FGGY: variants seen among roughly 807,000 people sequenced by gnomAD.
FGGY encodes FGGY carbohydrate kinase domain containing.
FGGY carries 72 observed loss-of-function variants against 71.3 expected under a neutral mutation model. The ratio of observed to expected loss-of-function variants is 1.01; its 90% CI spans 0.84 to 1.23. The LOEUF is 1.23. FGGY is among the 50% of genes most tolerant of loss of function. The pLI, the probability that FGGY is intolerant of heterozygous loss-of-function variation, is 0.00. For missense variants in FGGY, 668 were observed against 682.3 expected (o/e 0.98, Z 0.23); for synonymous variants, 251 against 250.3 (o/e 1.00, Z -0.02).
chr1:59,307,969 C>T (rs921655378), intron 1 of FGGY, among the ~76,000 whole-genome samples: 1 of 152,080 alleles, frequency 6.6e-6, no homozygotes, highest in African/African-American at 2.4e-5. Context: ...TGATGTGTCC[C>T]AGCATGTGTT....
chr1:59,741,131 C>G (rs1349807486), intron 14 of FGGY, among the ~76,000 whole-genome samples: 1 of 152,154 alleles, frequency 6.6e-6, no homozygotes, highest in East Asian at 1.9e-4. Context: ...AACCTTTCAT[C>G]TTAAAAATAA....
intron 5 of FGGY, among the ~76,000 whole-genome samples, chr1:59,454,851 A>T (rs1291039248): frequency 4.6e-5 from 7 of 152,248 alleles, no homozygotes; most frequent in Non-Finnish European, 4.4e-5. Context: ...ATCCTAGTAT[A>T]GTGCCAGGAT....
chr1:59,429,784 G>T lies in FGGY; in HGVS notation c.555-27177G>T, dbSNP rs548600777. 2.0e-5 allele frequency among the ~76,000 whole-genome samples: 3 copies of T among 152,326 alleles called. No individual in the cohort carries two copies. The South Asian group carries it at 6.2e-4, about 32-fold the overall frequency. On this transcript the variant is annotated intron_variant, in intron 5 of 15. Coordinates refer to ENST00000303721, the MANE Select transcript of FGGY (RefSeq NM_018291.5). ...AATAGGCCAGTATTGGCTAGGCTGG[G>T]CCTCAGGACTGTCTGGTTTAAATCT...
At chr1:59,594,961 C>T (rs750432309) in intron 8 of FGGY, among the ~76,000 whole-genome samples, 2 of 152,218 alleles carry the variant, frequency 1.3e-5, no homozygotes, top group African/African-American at 2.4e-5. Context: ...TTGGGCCCCT[C>T]TCTGTAAACA....
chr1:59,502,540 G>T (rs904589051), intron 6 of FGGY, among the ~76,000 whole-genome samples: 5 of 152,132 alleles, frequency 3.3e-5, no homozygotes, highest in Non-Finnish European at 5.9e-5. Context: ...AGAATTGGCC[G>T]CCCACACTCC....
intron 4 of FGGY, among the ~76,000 whole-genome samples, chr1:59,355,266 A>G (rs2054090947): frequency 6.6e-6 from 1 of 152,220 alleles, no homozygotes; most frequent in Admixed American, 6.5e-5. Context: ...CATGTGCACA[A>G]CGTGCAGGTT....
At chr1:59,539,912 T>C (rs1183211093) in intron 7 of FGGY, among the ~76,000 whole-genome samples, 2 of 152,222 alleles carry the variant, frequency 1.3e-5, no homozygotes, top group Non-Finnish European at 2.9e-5. Context: ...AGAACAATTA[T>C]TTTGACAGAA....
intron 9 of FGGY, among the ~76,000 whole-genome samples, chr1:59,623,268 T>C (rs1212548865): frequency 6.6e-6 from 1 of 152,168 alleles, no homozygotes; most frequent in Non-Finnish European, 1.5e-5. Flanking sequence ...TCAAAATAAT[T>C]TTTATGGCCT....
intron 14 of FGGY, among the ~76,000 whole-genome samples, chr1:59,751,182 C>T (rs1399124900): frequency 6.6e-6 from 1 of 152,162 alleles, no homozygotes; most frequent in Non-Finnish European, 1.5e-5. Context: ...CTTATATTCT[C>T]TCTATTTTCA....
chr1:59,742,655 A>G (rs901062812), intron 14 of FGGY, among the ~76,000 whole-genome samples: 1 of 152,200 alleles, frequency 6.6e-6, no homozygotes, highest in Non-Finnish European at 1.5e-5. Flanking sequence ...TGAACCCACC[A>G]TCTCCACCTC....
chr1:59,717,195 G>T (rs537549367), intron 14 of FGGY, among the ~76,000 whole-genome samples: 4 of 152,270 alleles, frequency 2.6e-5, no homozygotes, highest in African/African-American at 9.6e-5. Context: ...CAACAGTGCA[G>T]AGCTTTTGTG....
rs748223682 is a variant in FGGY at position 59,346,406 on chromosome 1, C to T, written c.465+8C>T. On this transcript the variant is annotated splice_region_variant and intron_variant, in intron 4 of 15. Coordinates refer to ENST00000303721, the MANE Select transcript of FGGY (RefSeq NM_018291.5). ...CTTCTGTGGCTGAAAGAGGTGAGTG[C>T]ATAGGGTCTAAGAGAAGATACCAAC... The T allele has an allele frequency of 2.1e-5, 34 of 1,610,868 alleles. No individual in the cohort carries two copies. Among genetic ancestry groups the T allele is most frequent in the African/African-American group, 8.0e-5 (6 of 74,742 alleles).
In FGGY at chr1:59,757,978, A is replaced by G. The variant is rs746251067; in HGVS notation, c.1560A>G (p.Arg520=). 1.9e-6 allele frequency: 3 copies of G among 1,612,718 alleles called. No individual in the cohort carries two copies. Among genetic ancestry groups the G allele is most frequent in the Non-Finnish European group, 2.5e-6 (3 of 1,179,148 alleles). Residue 520 remains arginine, a synonymous_variant, in exon 15 of 16, where the codon AGA becomes AGG. Transcript: ENST00000303721. The part of the protein sequence containing the change: ...MSKVGKVVFP[R]LQDKKYYDKK... The stretch of plus-strand genomic sequence containing the variant: ...AAGTTGGGAAAGTTGTGTTCCCGAG[A>G]CTACAGGATAAAAAGTAAGTGTGTA...
chr1:59,552,594 T>C (rs1008227964), intron 7 of FGGY, among the ~76,000 whole-genome samples: 1 of 152,190 alleles, frequency 6.6e-6, no homozygotes, highest in Admixed American at 6.5e-5. Flanking sequence ...ATCTGGGGAT[T>C]TGTGGTCTGA....
At chr1:59,511,063 A>G (rs749602454) in intron 6 of FGGY, among the ~76,000 whole-genome samples, 70 of 152,356 alleles carry the variant, frequency 4.6e-4, no homozygotes, top group Admixed American at 5.2e-4. Flanking sequence ...ATTGGACAGC[A>G]GAGTTCTTCT....
At chr1:59,484,924 G>A (rs1278626765) in intron 6 of FGGY, among the ~76,000 whole-genome samples, 5 of 151,872 alleles carry the variant, frequency 3.3e-5, no homozygotes, top group Admixed American at 6.6e-5. Context: ...TCTTTAAAAT[G>A]GTTCAAAAAT....
At chr1:59,539,487 G>T (rs898569314) in intron 7 of FGGY, among the ~76,000 whole-genome samples, 1 of 152,190 alleles carries the variant, frequency 6.6e-6, no homozygotes, top group Non-Finnish European at 1.5e-5. Flanking sequence ...CAAAGATGCC[G>T]TTGCCAGAGC....
chr1:59,332,668 G>T (rs1013050740), intron 2 of FGGY, among the ~76,000 whole-genome samples: 1 of 152,206 alleles, frequency 6.6e-6, no homozygotes, highest in African/African-American at 2.4e-5. Context: ...GAGTCTTTGT[G>T]ACTGAAGGCC....
intron 8 of FGGY, among the ~76,000 whole-genome samples, chr1:59,607,004 A>G (rs536598488): frequency 6.6e-6 from 1 of 152,234 alleles, no homozygotes. Flanking sequence ...GTAGCAGTAC[A>G]TATTTGTAAA....
Sources: gnomAD v4.1 joint callset for allele counts (sites outside exome capture counted in the v4.1 genomes callset) on GRCh38, gnomAD v4.1.1 for gene constraint, MANE v1.5 for transcripts, NCBI Gene and HGNC (gene_info 2026-07-23, HGNC 2026-07-21) for gene names.